Variants in BRD1 observed in about 807,000 individuals in gnomAD.
BRD1 encodes bromodomain containing 1.
A neutral mutation model predicts 107.7 loss-of-function variants in BRD1; 24 were observed. That is an observed-to-expected ratio of 0.22 (90% CI 0.16 to 0.31). BRD1 has a LOEUF of 0.31. BRD1 is among the 10% of genes least tolerant of loss of function. BRD1 has a pLI of 1.00. For missense variants in BRD1, 1,279 were observed against 1,638.6 expected, an observed-to-expected ratio of 0.78 and a Z score of 3.79; for synonymous variants, 744 against 686.1, an observed-to-expected ratio of 1.08 and a Z score of -1.32.
chr22:49,818,731 C>A (rs2147358549), intron 2 of BRD1, among the ~76,000 whole-genome samples: 1 of 151,820 alleles, frequency 6.6e-6, no homozygotes, highest in South Asian at 2.1e-4. Flanking sequence ...ACTAAAAATA[C>A]AAAAAATTAG....
intron 7 of BRD1, among the ~76,000 whole-genome samples, chr22:49,788,468 G>T (rs529756713): frequency 6.6e-6 from 1 of 152,114 alleles, no homozygotes; most frequent in Non-Finnish European, 1.5e-5. Flanking sequence ...TCCGTGCCAC[G>T]TTCCCAAATA....
intron 2 of BRD1, among the ~76,000 whole-genome samples, chr22:49,807,876 C>T (rs2059774335): frequency 6.6e-6 from 1 of 152,086 alleles, no homozygotes; most frequent in Non-Finnish European, 1.5e-5. Flanking sequence ...TAAAACTTGA[C>T]AAAAAATAAT....
At position 49,774,142 on chromosome 22, in the gene BRD1, T is replaced by TA; in HGVS notation, c.*90dup. On this transcript the variant is annotated 3_prime_UTR_variant, in exon 13 of 13. Coordinates refer to ENST00000404760, the MANE Select transcript of BRD1 (RefSeq NM_001304808.3). ...GGAAAAAGAATTAAAGAGCTATAAC[T>TA]AAAAATCAGAATAAGTTAAGTTTTG... 1 of 1,432,636 alleles carries TA rather than the reference T, an allele frequency of 7.0e-7. No homozygotes were observed. The highest frequency in any genetic ancestry group is 9.3e-7 in the Non-Finnish European group (1 of 1,079,288). 88.7% of individuals were successfully genotyped at this position (1,432,636 alleles called of 1,614,324 possible).
In BRD1 at chr22:49,776,096, T is replaced by C. The variant is rs2059092967; in HGVS notation, c.3185A>G (p.Lys1062Arg). 1 of 1,599,446 alleles carries C rather than the reference T, an allele frequency of 6.3e-7. No individual in the cohort carries two copies. The highest frequency in any genetic ancestry group is 8.5e-7 in the Non-Finnish European group (1 of 1,176,876). The change falls in exon 11 of 13, where the codon AAG (lysine) becomes AGG (arginine). Residue 1062 changes from lysine to arginine, a missense_variant. Coordinates refer to ENST00000404760, the MANE Select transcript of BRD1 (RefSeq NM_001304808.3). ...GCCGCTGCACTTGGCCCACACCACC[T>C]TCAGAGGCTCCAGCACCGAGGCGGC... ...DAAASVLEPL[K>R]VVWAKCSGYP...
chr22:49,814,356 C>G (rs1227453817), intron 2 of BRD1, among the ~76,000 whole-genome samples: 1 of 152,208 alleles, frequency 6.6e-6, no homozygotes, highest in Non-Finnish European at 1.5e-5. Context: ...TGGAGGACGC[C>G]GTGCCCACAT....
At chr22:49,811,416 TC>T (rs1450388936) in intron 2 of BRD1, among the ~76,000 whole-genome samples, 1 of 151,352 alleles carries the variant, frequency 6.6e-6, no homozygotes, top group Non-Finnish European at 1.5e-5. Flanking sequence ...ATGACAAGAG[TC>T]CCCCCTTAAC....
intron 3 of BRD1, 73 bp downstream of exon 3, chr22:49,804,131 G>A (rs910802746): frequency 1.0e-5 from 14 of 1,400,174 alleles, no homozygotes; most frequent in Non-Finnish European, 1.2e-5. Flanking sequence ...TGACCAGCCT[G>A]AACCAGGTGC....
intron 7 of BRD1, among the ~76,000 whole-genome samples, chr22:49,789,246 C>G (rs550783565): frequency 5.0e-4 from 76 of 152,354 alleles, no homozygotes; most frequent in Middle Eastern, 3.4e-3. Context: ...TCCCTCCCTC[C>G]TGTTCAATGT....
At chr22:49,826,188 C>G (rs2060147143) in intron 1 of BRD1, 1 of 985,362 alleles carries the variant, frequency 1.0e-6, no homozygotes, top group African/African-American at 1.7e-5. Context: ...CCCTCGACAG[C>G]AAAGTCCTGA....
At chr22:49,782,665 G>A (rs796317528) in intron 8 of BRD1, among the ~76,000 whole-genome samples, 9 of 150,058 alleles carry the variant, frequency 6.0e-5, no homozygotes, top group South Asian at 2.1e-4. Flanking sequence ...GACCCACTCC[G>A]CGACAATGCA....
rs532686077 is a variant in BRD1 at position 49,782,283 on chromosome 22, G to A, written c.2858-4470C>T. Among the ~76,000 whole-genome samples, 6 of 147,254 alleles carry A rather than the reference G, an allele frequency of 4.1e-5. No individual in the cohort carries two copies. In the East Asian group the frequency reaches 6.3e-4, roughly 15 times the overall value. On this transcript the variant is annotated intron_variant, in intron 8 of 12. Coordinates refer to ENST00000404760, the MANE Select transcript of BRD1 (RefSeq NM_001304808.3). ...GACAGAACCAAGGCCCAGGCCAGAC[G>A]CCTGCACGAGACCTGCTCTTGCTGG... is the stretch of plus-strand genomic sequence containing the variant.
chr22:49,792,071 C>CCAACCATGCGAGGTCCT lies in BRD1; in HGVS notation c.2359+1946_2359+1962dup, dbSNP rs1200513908. On this transcript the variant is annotated intron_variant, in intron 7 of 12. Transcript: ENST00000404760. The surrounding 1 kb of genome is among the most constrained non-coding windows in gnomAD (Gnocchi z 4.2). ...CACCACAGCGGAGGGCCAAGCAGCT[C>CCAACCATGCGAGGTCCT]CAACCATGCGAGGTCCTCAACCATG... Among the ~76,000 whole-genome samples the CCAACCATGCGAGGTCCT allele has an allele frequency of 1.3e-5, 2 of 152,116 alleles. No homozygotes were observed. Among genetic ancestry groups the CCAACCATGCGAGGTCCT allele is most frequent in the Non-Finnish European group, 2.9e-5 (2 of 68,028 alleles).
At position 49,823,871 on chromosome 22, in the gene BRD1, T is replaced by C. The variant is rs1256482704; in HGVS notation, c.447A>G (p.Glu149=). The C allele has an allele frequency of 1.9e-6, 3 of 1,614,048 alleles. No individual in the cohort carries two copies. The South Asian group carries it at 3.3e-5, about 18-fold the overall frequency. Residue 149 remains glutamate (E), a synonymous_variant, in exon 2 of 13, where the codon GAA becomes GAG. Transcript: ENST00000404760. ...TGTCATACTCCACCTCGTTGTCCAGTTCCTCGGCCGACTTCTCGATGAACT... is the reference window on the plus strand; with the variant it reads ...TGTCATACTCCACCTCGTTGTCCAGCTCCTCGGCCGACTTCTCGATGAACT... ...YYKFIEKSAE[E]LDNEVEYDMD...
In BRD1 at chr22:49,794,011, G is replaced by A; in HGVS notation, c.2359+23C>T. 4 of 1,601,662 alleles carry A rather than the reference G, an allele frequency of 2.5e-6. No homozygotes were observed. In the South Asian group the frequency reaches 4.5e-5, roughly 18 times the overall value. On this transcript the variant is annotated intron_variant, in intron 7 of 12. Coordinates refer to ENST00000404760, the MANE Select transcript of BRD1 (RefSeq NM_001304808.3). Reference sequence around the variant, plus strand: ...CCTGAGCCGTGACGGCAAGAAAGCGGGGCAGCCCTCACCGTGGCTTACCTT... The same window carrying A: ...CCTGAGCCGTGACGGCAAGAAAGCGAGGCAGCCCTCACCGTGGCTTACCTT...
At chr22:49,787,930 T>G in intron 7 of BRD1, 43 bp from the exon 8 acceptor site, 1 of 1,421,962 alleles carries the variant, frequency 7.0e-7, no homozygotes, top group South Asian at 1.5e-5. Context: ...AACTGAAGAT[T>G]ATAAAATCTA....
In BRD1 at chr22:49,774,170, C is replaced by T. The variant is rs1601589108; in HGVS notation, c.*63G>A. On this transcript the variant is annotated 3_prime_UTR_variant, in exon 13 of 13. Transcript: ENST00000404760. Reference sequence around the variant, plus strand: ...AAATCAGAATAAGTTAAGTTTTGAACAATATACAAACATGTACAGCTTATC... The same window carrying T: ...AAATCAGAATAAGTTAAGTTTTGAATAATATACAAACATGTACAGCTTATC... 6.7e-7 allele frequency: 1 copy of T among 1,485,282 alleles called. No homozygotes were observed. 92.0% of individuals were successfully genotyped at this position (1,485,282 alleles called of 1,614,324 possible). A position where few individuals can be genotyped will look rare whatever the true frequency, so the allele number is the denominator to read the frequency against.
rs1170364861 is a variant in BRD1 at position 49,777,730 on chromosome 22, A to T, written c.2941T>A (p.Cys981Ser). ...GAGGAGATGCTGGACTCGGAGGCACAGCGTCGTCGGGGTGTGGCCTTCCTC... is the reference window on the plus strand; with the variant it reads ...GAGGAGATGCTGGACTCGGAGGCACTGCGTCGTCGGGGTGTGGCCTTCCTC... ...LGRKATPRRR[C>S]ASESSISSSN... Residue 981 changes from cysteine (C) to serine (S), a missense_variant, in exon 9 of 13, where the codon TGT (cysteine) becomes AGT (serine). Physicochemically the swap from Cys to Ser is moderately radical, Grantham distance 112 (BLOSUM62 -1). This residue lies in a region of BRD1 where 263 missense variants were observed against 251.6 expected (regional missense o/e 1.05). Transcript: ENST00000404760. 1.2e-6 allele frequency: 2 copies of T among 1,607,672 alleles called. No individual in the cohort carries two copies. The highest frequency in any genetic ancestry group is 8.5e-7 in the Non-Finnish European group (1 of 1,178,256).
At chr22:49,774,824 G>A (rs1439941167) in intron 12 of BRD1, among the ~76,000 whole-genome samples, 11 of 152,266 alleles carry the variant, frequency 7.2e-5, no homozygotes, top group Non-Finnish European at 1.5e-4. Flanking sequence ...AAGAAGCAGT[G>A]GCCACGTGGC....
Position 49,777,793 on chromosome 22 carries a change from C to A in BRD1, c.2878G>T (p.Gly960Cys), listed in dbSNP as rs1347988468. The A allele has an allele frequency of 1.9e-6, 3 of 1,602,766 alleles. No individual in the cohort carries two copies. The highest frequency in any genetic ancestry group is 3.3e-5 in the Admixed American group (2 of 59,730). ...LDAGLTNGFGGARSEQEPGGG... is the reference protein window; with the variant it reads ...LDAGLTNGFGCARSEQEPGGG... ...CCCGGCTCCTGCTCGCTCCTCGCACCCCCAAAGCCGTTGGTGAGACCTGGA... is the reference window on the plus strand; with the variant it reads ...CCCGGCTCCTGCTCGCTCCTCGCACACCCAAAGCCGTTGGTGAGACCTGGA... The change falls in exon 9 of 13, where the codon GGT becomes TGT. Residue 960 changes from glycine to cysteine, a missense_variant. Physicochemically the swap from Gly to Cys is radical, Grantham distance 159. Coordinates refer to ENST00000404760, the MANE Select transcript of BRD1 (RefSeq NM_001304808.3).
Sources: allele counts gnomAD v4.1 joint callset (sites outside exome capture counted in the v4.1 genomes callset), GRCh38; gene constraint gnomAD v4.1.1; regional missense constraint gnomAD v4.1.1; non-coding constraint Gnocchi (gnomAD v3.1); transcripts MANE v1.5; gene names NCBI Gene and HGNC (gene_info 2026-07-23, HGNC 2026-07-21).